The following GIPC2 variants were observed in gnomAD, a reference collection of about 807,000 sequenced individuals.
GIPC2 encodes the protein GIPC PDZ domain containing family member 2.
GIPC2 carries 30 observed loss-of-function variants against 30.6 expected under a neutral mutation model. The observed-to-expected ratio is 0.98, with a 90% CI of 0.73 to 1.33. The LOEUF (loss-of-function observed/expected upper bound fraction) is 1.33, where lower values mean the gene tolerates loss of function less well. Among genes scored for constraint, GIPC2 ranks in the 40% most tolerant of loss-of-function variants. GIPC2 has a pLI of 0.00. For missense variants in GIPC2, 414 were observed against 390.3 expected, an observed-to-expected ratio of 1.06 and a Z score of -0.51; for synonymous variants, 167 against 150.0, an observed-to-expected ratio of 1.11 and a Z score of -0.83.
chr1:78,106,552 T>A (rs950052896), intron 3 of GIPC2, among the ~76,000 whole-genome samples: 1 of 151,978 alleles, frequency 6.6e-6, no homozygotes, highest in African/African-American at 2.4e-5. Flanking sequence ...AGAGCAAGAC[T>A]CCATCTCAAA....
intron 1 of GIPC2, among the ~76,000 whole-genome samples, chr1:78,047,034 G>C (rs551010459): frequency 6.6e-6 from 1 of 152,202 alleles, no homozygotes; most frequent in Non-Finnish European, 1.5e-5. Flanking sequence ...TCATGAGGAA[G>C]ATCAGCTCTT....
intron 4 of GIPC2, among the ~76,000 whole-genome samples, chr1:78,122,942 C>G (rs1463915127): frequency 6.6e-6 from 1 of 152,072 alleles, no homozygotes; most frequent in African/African-American, 2.4e-5. Flanking sequence ...GCTGATCAGC[C>G]ATTGACAGGG....
chr1:78,069,502 G>A (rs1286148411), intron 1 of GIPC2, among the ~76,000 whole-genome samples: 2 of 136,178 alleles, frequency 1.5e-5, no homozygotes, highest in East Asian at 4.1e-4. Context: ...TTTTGAGACA[G>A]AGTCTCTATC....
At position 78,119,259 on chromosome 1, in the gene GIPC2, A is replaced by C; in HGVS notation, c.608-134A>C. ...TTTATTTTGCTTCGGGAAATTCTAT[A>C]AGAAGGCCTACGTTTTATCAAATTT... On this transcript the variant is annotated intron_variant, in intron 3 of 5. Coordinates refer to ENST00000370759, the MANE Select transcript of GIPC2 (RefSeq NM_017655.6). The C allele has an allele frequency of 5.5e-6, 3 of 549,810 alleles. No individual in the cohort carries two copies. The South Asian group carries it at 8.8e-5, about 16-fold the overall frequency. The allele number at this position is 549,810 out of a possible 1,614,324, so 34.1% of individuals were successfully genotyped here. A position where few individuals can be genotyped will look rare whatever the true frequency, so the allele number is the denominator to read the frequency against.
At chr1:78,126,040 A>G (rs1403884205) in intron 5 of GIPC2, 78 bp downstream of exon 5, 1 of 669,106 alleles carries the variant, frequency 1.5e-6, no homozygotes, top group Non-Finnish European at 2.7e-6. Flanking sequence ...CATACAGCCA[A>G]TTATACTTTT....
At chr1:78,133,808 C>A (rs1571534932) in intron 5 of GIPC2, among the ~76,000 whole-genome samples, 1 of 149,992 alleles carries the variant, frequency 6.7e-6, no homozygotes, top group East Asian at 2.0e-4. Context: ...ATTATGGATT[C>A]ATGGCTTCCT....
In GIPC2 at chr1:78,070,227, A is replaced by G. The variant is rs139965189; in HGVS notation, c.241-10448A>G. Among the ~76,000 whole-genome samples the G allele has an allele frequency of 5.0e-3, 756 of 152,290 alleles. 2 individuals carry two copies. Among genetic ancestry groups the G allele is most frequent in the Non-Finnish European group, 8.5e-3 (580 of 68,026 alleles). ...CGTTTAATCCACAAATCTCTTTACT[A>G]ATAATTATAATGTATAATTATGATG... is the stretch of plus-strand genomic sequence containing the variant. On this transcript the variant is annotated intron_variant, in intron 1 of 5. Coordinates refer to ENST00000370759, the MANE Select transcript of GIPC2 (RefSeq NM_017655.6).
Position 78,137,726 on chromosome 1 carries a change from T to G in GIPC2, c.*1983T>G, listed in dbSNP as rs191301999. On this transcript the variant is annotated 3_prime_UTR_variant, in exon 6 of 6. Coordinates refer to ENST00000370759, the MANE Select transcript of GIPC2 (RefSeq NM_017655.6). ...CTGTAATAGGTTTTTCCTTGAAATA[T>G]CCTTATCTTTCACCTCTACAGCTAA... The G allele has an allele frequency of 1.3e-4, 19 of 141,084 alleles. No individual in the cohort carries two copies. Among genetic ancestry groups the G allele is most frequent in the Admixed American group, 1.2e-3 (18 of 14,518 alleles). The allele number at this position is 141,084 out of a possible 1,614,324, so 8.7% of individuals were successfully genotyped here. A position where few individuals can be genotyped will look rare whatever the true frequency, so the allele number is the denominator to read the frequency against.
rs534359952 is a variant in GIPC2 at position 78,108,871 on chromosome 1, G to C, written c.608-10522G>C. On this transcript the variant is annotated intron_variant, in intron 3 of 5. Coordinates refer to ENST00000370759, the MANE Select transcript of GIPC2 (RefSeq NM_017655.6). The stretch of plus-strand genomic sequence containing the variant: ...CTTGGACAGAATTCTTTATCTGTGA[G>C]GTTTCTTTCATTTGGAGACCATGGT... Among the ~76,000 whole-genome samples, 112 of 152,262 alleles carry C rather than the reference G, an allele frequency of 7.4e-4. 3 individuals carry two copies. The highest frequency in any genetic ancestry group is 2.6e-3 in the African/African-American group (109 of 41,562).
chr1:78,135,867 A>T lies in GIPC2; in HGVS notation c.*124A>T. The T allele has an allele frequency of 2.9e-6, 2 of 696,002 alleles. No individual in the cohort carries two copies. The highest frequency in any genetic ancestry group is 4.6e-6 in the Non-Finnish European group (2 of 434,998). 43.1% of individuals were successfully genotyped at this position (696,002 alleles called of 1,614,324 possible). ...TGGTTTAATTTCATGTGTATGGAAT[A>T]TATTCTTTGAAATATAATTTTGGTA... On this transcript the variant is annotated 3_prime_UTR_variant, in exon 6 of 6. Coordinates refer to ENST00000370759, the MANE Select transcript of GIPC2 (RefSeq NM_017655.6).
In GIPC2 at chr1:78,125,963, GT is replaced by G. The variant is rs1224481726; in HGVS notation, c.796+2del. The G allele has an allele frequency of 7.1e-7, 1 of 1,406,954 alleles. No individual in the cohort carries two copies. The allele number at this position is 1,406,954 out of a possible 1,614,324, so 87.2% of individuals were successfully genotyped here. A position where few individuals can be genotyped will look rare whatever the true frequency, so the allele number is the denominator to read the frequency against. On this transcript the variant is annotated splice_donor_variant, in intron 5 of 5. Transcript: ENST00000370759. LOFTEE classifies it high-confidence loss of function. ...ATGGGAATTCGAGATATTGATTTAGGTAAGATTATACTATTTAAAAAAGTCT... is the reference window on the plus strand; with the variant it reads ...ATGGGAATTCGAGATATTGATTTAGGAAGATTATACTATTTAAAAAAGTCT...
rs1344899951 is a variant in GIPC2 at position 78,046,348 on chromosome 1, T to A, written c.240+14T>A. ...TCGCCGTCGGAGGTAAGGCGCCAGG[T>A]GCTCAGGCTCTCCCGCCTCTCCGCC... On this transcript the variant is annotated intron_variant, in intron 1 of 5. Transcript: ENST00000370759. The A allele has an allele frequency of 6.3e-6, 10 of 1,599,876 alleles. No individual in the cohort carries two copies. Among genetic ancestry groups the A allele is most frequent in the Admixed American group, 1.7e-5 (1 of 59,166 alleles).
At position 78,135,588 on chromosome 1, in the gene GIPC2, A is replaced by T. The variant is rs1354487025; in HGVS notation, c.797-4A>T. The T allele has an allele frequency of 6.6e-7, 1 of 1,505,128 alleles. No homozygotes were observed. Among genetic ancestry groups the T allele is most frequent in the Non-Finnish European group, 9.0e-7 (1 of 1,113,260 alleles). 93.2% of individuals were successfully genotyped at this position (1,505,128 alleles called of 1,614,324 possible). A position where few individuals can be genotyped will look rare whatever the true frequency, so the allele number is the denominator to read the frequency against. On this transcript the variant is annotated splice_polypyrimidine_tract_variant and splice_region_variant and intron_variant, in intron 5 of 5. Coordinates refer to ENST00000370759, the MANE Select transcript of GIPC2 (RefSeq NM_017655.6). ...TGTTAATTTTTTAATATTATTTTTG[A>T]TAGCCACCACAATGTTTGAAGCTGG...
intron 1 of GIPC2, among the ~76,000 whole-genome samples, chr1:78,046,989 CA>C (rs1212204203): frequency 6.6e-6 from 1 of 152,200 alleles, no homozygotes; most frequent in Admixed American, 6.5e-5. Context: ...CCTAGAGATT[CA>C]TACTTAATCA....
chr1:78,093,249 T>G (rs1013347070), intron 2 of GIPC2, among the ~76,000 whole-genome samples: 1 of 152,226 alleles, frequency 6.6e-6, no homozygotes, highest in Non-Finnish European at 1.5e-5. Context: ...AGTCTTTTCT[T>G]TAATCTTGTT....
At chr1:78,051,432 C>T (rs1343878931) in intron 1 of GIPC2, among the ~76,000 whole-genome samples, 2 of 152,138 alleles carry the variant, frequency 1.3e-5, no homozygotes, top group Non-Finnish European at 2.9e-5. Context: ...AATTCAGTGA[C>T]TTATTCTCTC....
intron 5 of GIPC2, among the ~76,000 whole-genome samples, chr1:78,133,061 T>C (rs746645401): frequency 6.6e-5 from 10 of 152,234 alleles, no homozygotes; most frequent in Non-Finnish European, 1.3e-4. Flanking sequence ...ACCAGAGTTC[T>C]GGACTTCACT....
chr1:78,090,976 CA>C (rs968824673), intron 2 of GIPC2, among the ~76,000 whole-genome samples: 11 of 151,058 alleles, frequency 7.3e-5, no homozygotes, highest in East Asian at 3.9e-4. Context: ...ATAAGGCTGT[CA>C]AAAAAAAATT....
intron 1 of GIPC2, among the ~76,000 whole-genome samples, chr1:78,048,369 A>C (rs1661133960): frequency 6.6e-6 from 1 of 152,116 alleles, no homozygotes; most frequent in Non-Finnish European, 1.5e-5. Context: ...TACACATAGC[A>C]AGTGGCAGAG....
Sources: allele counts gnomAD v4.1 joint callset (sites outside exome capture counted in the v4.1 genomes callset), GRCh38; gene constraint gnomAD v4.1.1; transcripts MANE v1.5; gene names NCBI Gene and HGNC (gene_info 2026-07-23, HGNC 2026-07-21).